The following EXPH5 variants were observed in gnomAD, a reference collection of about 807,000 sequenced individuals.
EXPH5 encodes exophilin-5.
In EXPH5, 42 loss-of-function variants were observed where a neutral mutation model predicts 41.1. The observed-to-expected ratio is 1.02, with a 90% CI of 0.80 to 1.32. EXPH5 has a LOEUF of 1.32. Among genes scored for constraint, EXPH5 ranks in the 40% most tolerant of loss-of-function variants. The pLI is 0.00. For synonymous variants in EXPH5, 798 were observed against 833.5 expected, an observed-to-expected ratio of 0.96 and a Z score of 0.73; for missense variants, 2,298 against 2,314.5, an observed-to-expected ratio of 0.99 and a Z score of 0.15.
intron 1 of EXPH5, among the ~76,000 whole-genome samples, chr11:108,556,982 T>C (rs2093992856): frequency 6.6e-6 from 1 of 152,216 alleles, no homozygotes; most frequent in Non-Finnish European, 1.5e-5. Context: ...GCTTCTTTTT[T>C]CCCTCTTAAC....
At chr11:108,563,203 G>T (rs2094020378) in intron 1 of EXPH5, among the ~76,000 whole-genome samples, 1 of 152,196 alleles carries the variant, frequency 6.6e-6, no homozygotes, top group Non-Finnish European at 1.5e-5. Context: ...AGGAAAGGTA[G>T]ACTGGTATCT....
At position 108,509,334 on chromosome 11, in the gene EXPH5, ACT is replaced by A. The variant is rs1379227660; in HGVS notation, c.*201_*202del. The A allele has an allele frequency of 9.6e-6, 4 of 415,326 alleles. No individual in the cohort carries two copies. The highest frequency in any genetic ancestry group is 2.0e-5 in the African/African-American group (1 of 48,804). 25.7% of individuals were successfully genotyped at this position (415,326 alleles called of 1,614,324 possible). A position where few individuals can be genotyped will look rare whatever the true frequency, so the allele number is the denominator to read the frequency against. ...TTTACAGAGATAGAAAATAGCAGAG[ACT>A]CTCTCAAAACAAGAATTCATTGTTC... On this transcript the variant is annotated 3_prime_UTR_variant, in exon 6 of 6. Transcript: ENST00000265843.
At chr11:108,546,384 G>A (rs1024409491) in intron 1 of EXPH5, among the ~76,000 whole-genome samples, 1 of 152,082 alleles carries the variant, frequency 6.6e-6, no homozygotes, top group African/African-American at 2.4e-5. Flanking sequence ...TAAAGAAAGA[G>A]GTGTTTGCTG....
chr11:108,571,073 C>G (rs1253737378), intron 1 of EXPH5, among the ~76,000 whole-genome samples: 1 of 152,130 alleles, frequency 6.6e-6, no homozygotes, highest in Non-Finnish European at 1.5e-5. Flanking sequence ...AAGGAAGAAG[C>G]TGGAGCCTCA....
At chr11:108,593,197 C>A (rs1203738916) in intron 1 of EXPH5, among the ~76,000 whole-genome samples, 1 of 151,404 alleles carries the variant, frequency 6.6e-6, no homozygotes, top group Non-Finnish European at 1.5e-5. Flanking sequence ...CGCAGCCGAG[C>A]CCGTCTGGTA....
Position 108,510,652 on chromosome 11 carries a change from T to C in EXPH5, c.4855A>G (p.Ile1619Val), listed in dbSNP as rs1299777837. ...GATCTGCTTCCACTTTGGGGGAAGA[T>C]AGTAGCTACATGTCTTCTGGGGCTT... is the stretch of plus-strand genomic sequence containing the variant. ...DVSPRRHVAT[I>V]FPQSGSRSGF... Residue 1619 changes from isoleucine (I) to valine (V), a missense_variant, in exon 6 of 6, where the codon ATC (isoleucine) becomes GTC (valine). Coordinates refer to ENST00000265843, the MANE Select transcript of EXPH5 (RefSeq NM_015065.3). The C allele has an allele frequency of 1.9e-6, 3 of 1,614,192 alleles. No homozygotes were observed. In the East Asian group the frequency reaches 6.7e-5, roughly 36 times the overall value.
At chr11:108,579,552 A>G (rs1591757445) in intron 1 of EXPH5, among the ~76,000 whole-genome samples, 3 of 151,850 alleles carry the variant, frequency 2.0e-5, no homozygotes, top group African/African-American at 7.2e-5. Flanking sequence ...AAAAAAAAAA[A>G]GTAAATATGG....
chr11:108,573,724 A>T (rs988077217), intron 1 of EXPH5, among the ~76,000 whole-genome samples: 4 of 152,198 alleles, frequency 2.6e-5, no homozygotes, highest in Admixed American at 2.6e-4. Context: ...TCAGGTGAAT[A>T]AAAAAGTTAC....
At chr11:108,585,056 A>G (rs2094109360) in intron 1 of EXPH5, among the ~76,000 whole-genome samples, 1 of 152,208 alleles carries the variant, frequency 6.6e-6, no homozygotes, top group Non-Finnish European at 1.5e-5. Flanking sequence ...TTCATCAATC[A>G]GAAAACAAAT....
chr11:108,545,681 T>A (rs914401571), intron 1 of EXPH5, among the ~76,000 whole-genome samples: 1 of 151,940 alleles, frequency 6.6e-6, no homozygotes, highest in Non-Finnish European at 1.5e-5. Flanking sequence ...GGTGGGAGGA[T>A]CAATTGAGGC....
At chr11:108,553,055 A>G (rs2093974601) in intron 1 of EXPH5, among the ~76,000 whole-genome samples, 1 of 151,938 alleles carries the variant, frequency 6.6e-6, no homozygotes, top group African/African-American at 2.4e-5. Context: ...AAAATTAGCC[A>G]TGTGTAATGG....
At chr11:108,603,540 T>G in the EXPH5 span, among the ~76,000 whole-genome samples, 1 of 152,192 alleles carries the variant, frequency 6.6e-6, no homozygotes, top group Non-Finnish European at 1.5e-5. Flanking sequence ...AAAATCATAT[T>G]TCACTATTTT....
At position 108,512,629 on chromosome 11, in the gene EXPH5, T is replaced by C; in HGVS notation, c.2878A>G (p.Lys960Glu). ...VPTHDEVVDV[K>E]CHSHSPFRNE... ...CTAAAAGGAGAGTGTGAATGGCATTTGACATCAACCACTTCATCATGTGTA... is the reference window on the plus strand; with the variant it reads ...CTAAAAGGAGAGTGTGAATGGCATTCGACATCAACCACTTCATCATGTGTA... Residue 960 changes from lysine (K) to glutamate (E), a missense_variant, in exon 6 of 6, where the codon AAA becomes GAA. Coordinates refer to ENST00000265843, the MANE Select transcript of EXPH5 (RefSeq NM_015065.3). The C allele has an allele frequency of 6.2e-7, 1 of 1,614,012 alleles. No individual in the cohort carries two copies. Among genetic ancestry groups the C allele is most frequent in the Non-Finnish European group, 8.5e-7 (1 of 1,179,996 alleles).
In EXPH5 at chr11:108,514,423, T is replaced by A; in HGVS notation, c.1084A>T (p.Ser362Cys). The A allele has an allele frequency of 6.2e-7, 1 of 1,614,178 alleles. No individual in the cohort carries two copies. The highest frequency in any genetic ancestry group is 8.5e-7 in the Non-Finnish European group (1 of 1,180,018). Residue 362 changes from serine (S) to cysteine (C), a missense_variant, in exon 6 of 6, where the codon AGT (serine) becomes TGT (cysteine). Ser to Cys is a moderately radical substitution (Grantham distance 112). Transcript: ENST00000265843. Reference protein sequence around the residue: ...SGFIPPRHQQSPKRTPLSSII... With the variant: ...SGFIPPRHQQCPKRTPLSSII... ...GATGATAAAGGAGTTCTCTTTGGAC[T>A]CTGCTGGTGCCTTGGTGGTATAAAC...
intron 1 of EXPH5, among the ~76,000 whole-genome samples, chr11:108,568,904 A>G (rs560809487): frequency 6.6e-6 from 1 of 152,020 alleles, no homozygotes; most frequent in African/African-American, 2.4e-5. Context: ...CTCACCACCC[A>G]TGGCCATCCA....
chr11:108,595,181 G>T (rs575232920), upstream of EXPH5, among the ~76,000 whole-genome samples: 83 of 152,284 alleles, frequency 5.5e-4, no homozygotes, highest in African/African-American at 1.9e-3. Flanking sequence ...TTACATGAAG[G>T]CATCACACAC....
rs117625296 is a variant in EXPH5, at chr11:108,562,603, T to C, written c.120-20791A>G. Among the ~76,000 whole-genome samples, 28 of 152,002 alleles carry C rather than the reference T, an allele frequency of 1.8e-4. 1 individual carries two copies. The East Asian group carries it at 5.4e-3, about 29-fold the overall frequency. ...CAGACTTGGCAGCAGAGCAAGACGCTGTTTCAAAAAAAGAAAGAAAGAAAG... is the reference window on the plus strand; with the variant it reads ...CAGACTTGGCAGCAGAGCAAGACGCCGTTTCAAAAAAAGAAAGAAAGAAAG... On this transcript the variant is annotated intron_variant, in intron 1 of 5. Transcript: ENST00000265843.
chr11:108,594,463 C>T (rs2094135686), upstream of EXPH5, among the ~76,000 whole-genome samples: 1 of 151,840 alleles, frequency 6.6e-6, no homozygotes, highest in African/African-American at 2.4e-5. Flanking sequence ...TTAAAAATAC[C>T]TAATCCTCTG....
At chr11:108,568,174 T>A (rs910911791) in intron 1 of EXPH5, 1 of 90,904 alleles carries the variant, frequency 1.1e-5, no homozygotes, top group Admixed American at 1.0e-4. Context: ...CTTACTTTTT[T>A]TGGGAGGGGG....
Sources: allele counts gnomAD v4.1 joint callset (sites outside exome capture counted in the v4.1 genomes callset), GRCh38; gene constraint gnomAD v4.1.1; transcripts MANE v1.5; gene names NCBI Gene and HGNC (gene_info 2026-07-23, HGNC 2026-07-21).